LLGL1: variants seen among roughly 807,000 people sequenced by gnomAD.
The protein encoded by LLGL1 is LLGL scribble cell polarity complex component 1.
In LLGL1, 58 loss-of-function variants were observed where a neutral mutation model predicts 110.6. The observed-to-expected ratio is 0.52, with a 90% CI of 0.42 to 0.65. The LOEUF (loss-of-function observed/expected upper bound fraction) is 0.65, where lower values mean the gene tolerates loss of function less well. Among genes scored for constraint, LLGL1 ranks in the 30% least tolerant of loss-of-function variants. The pLI, the probability that LLGL1 is intolerant of heterozygous loss-of-function variation, is 0.00. For missense variants in LLGL1, 1,229 were observed against 1,462.1 expected, an observed-to-expected ratio of 0.84 and a Z score of 2.60; for synonymous variants, 674 against 607.2, an observed-to-expected ratio of 1.11 and a Z score of -1.62.
intron 20 of LLGL1, 33 bp from the exon 21 acceptor site, chr17:18,242,475 T>A (rs1163332621): frequency 1.2e-6 from 2 of 1,612,982 alleles, no homozygotes. Flanking sequence ...GTGCTAAGGG[T>A]CCTGGTAGGG....
chr17:18,241,279 A>T, intron 17 of LLGL1, 172 bp from the exon 18 acceptor site: 1 of 747,006 alleles, frequency 1.3e-6, no homozygotes, highest in Non-Finnish European at 2.1e-6. Context: ...TTTCTGGAGT[A>T]CAGTGTGAAG....
At chr17:18,238,298 T>G in intron 15 of LLGL1, 84 bp downstream of exon 15, 1 of 1,591,752 alleles carries the variant, frequency 6.3e-7, no homozygotes, top group Non-Finnish European at 8.5e-7. Context: ...GGGGCCTGCT[T>G]AGCTCAGTGC....
intron 17 of LLGL1, 182 bp downstream of exon 17, chr17:18,241,055 G>GC (rs2047819401): frequency 3.0e-6 from 2 of 656,430 alleles, no homozygotes; most frequent in Non-Finnish European, 2.5e-6. Context: ...GAACCCTGAT[G>GC]CCCCCTCAGC....
chr17:18,232,235 A>G (rs918810231), intron 2 of LLGL1, among the ~76,000 whole-genome samples: 7 of 152,222 alleles, frequency 4.6e-5, no homozygotes, highest in Non-Finnish European at 7.3e-5. Flanking sequence ...CACTGGCCCA[A>G]TTTACGGGAA....
At chr17:18,235,972 T>A in intron 11 of LLGL1, 1 of 208,282 alleles carries the variant, frequency 4.8e-6, no homozygotes, top group Non-Finnish European at 9.8e-6. Flanking sequence ...CCTTCCCTGC[T>A]GAAGAGCTTG....
At chr17:18,234,768 C>G (rs1037741590) in intron 8 of LLGL1, 65 bp downstream of exon 8, 5 of 1,613,674 alleles carry the variant, frequency 3.1e-6, no homozygotes, top group Admixed American at 3.3e-5. Flanking sequence ...AGGGTGGGCT[C>G]TCCCTAGGTT....
At position 18,232,532 on chromosome 17, in the gene LLGL1, C is replaced by T. The variant is rs1024725728; in HGVS notation, c.217C>T (p.Arg73Trp). The change falls in exon 3 of 23, where the codon CGG becomes TGG. Residue 73 changes from arginine (R) to tryptophan (W), a missense_variant. Transcript: ENST00000316843. ...TGGCGTGGAGTTCACAGGCCTGCAC[C>T]GGGATGCAGCCACTGTCACACAGAT... ...APGVEFTGLH[R>W]DAATVTQMHF... 18 of 1,613,926 alleles carry T rather than the reference C, an allele frequency of 1.1e-5. No homozygotes were observed. The highest frequency in any genetic ancestry group is 1.4e-5 in the Non-Finnish European group (16 of 1,179,966).
chr17:18,241,499 G>T lies in LLGL1; in HGVS notation c.2551G>T (p.Ala851Ser). ...CGCGAAGACCAAGTTCAAGCTGACG[G>T]CCCATGAGGGCTGTCGTGTGCGCAA... ...VSAKTKFKLT[A>S]HEGCRVRKVA... Residue 851 changes from alanine to serine, a missense_variant, in exon 18 of 23, where the codon GCC becomes TCC. Ala to Ser is a moderately conservative substitution (Grantham distance 99, BLOSUM62 1). Transcript: ENST00000316843. 6.2e-7 allele frequency: 1 copy of T among 1,613,816 alleles called. No homozygotes were observed. Among genetic ancestry groups the T allele is most frequent in the Non-Finnish European group, 8.5e-7 (1 of 1,179,978 alleles).
intron 4 of LLGL1, 83 bp downstream of exon 4, chr17:18,232,885 A>G: frequency 1.3e-6 from 2 of 1,570,442 alleles, no homozygotes; most frequent in Non-Finnish European, 8.7e-7. Context: ...CAAAGGCAGC[A>G]TGGAGATGGG....
At chr17:18,226,393 CACCCAGGAGGGTGAGAGAGTTAGTGGG>C (rs1651811930) in intron 1 of LLGL1, among the ~76,000 whole-genome samples, 1 of 152,150 alleles carries the variant, frequency 6.6e-6, no homozygotes, top group Admixed American at 6.5e-5. Context: ...TGTGCTTTGG[CACCCAGGAGGGTGAGAGAGTTAGTGGG>C]GGCGAGGCAG....
Position 18,244,814 on chromosome 17 carries a change from A to ATTTTAATATTAAAAATACTGAT in LLGL1, c.*919_*940dup, listed in dbSNP as rs2047965913. 1 of 357,602 alleles carries ATTTTAATATTAAAAATACTGAT rather than the reference A, an allele frequency of 2.8e-6. No individual in the cohort carries two copies. The allele number at this position is 357,602 out of a possible 1,614,324, so 22.2% of individuals were successfully genotyped here. ...CTGTCGTTTTGTTAAAATTAGCGCC[A>ATTTTAATATTAAAAATACTGAT]TTTTAATATTAAAAATACTGATTTT... On this transcript the variant is annotated 3_prime_UTR_variant, in exon 23 of 23. Transcript: ENST00000316843.
At chr17:18,242,483 G>A (rs2047863398) in intron 20 of LLGL1, 25 bp from the exon 21 acceptor site, 2 of 1,613,536 alleles carry the variant, frequency 1.2e-6, no homozygotes, top group Non-Finnish European at 8.5e-7. Flanking sequence ...GGTCCTGGTA[G>A]GGGCTGATGA....
intron 14 of LLGL1, 42 bp downstream of exon 14, chr17:18,237,815 GAGAT>G: frequency 1.9e-6 from 3 of 1,565,818 alleles, no homozygotes; most frequent in Non-Finnish European, 1.7e-6. Flanking sequence ...AGCCCCCAGC[GAGAT>G]GGGGTCTGGG....
At chr17:18,241,742 C>T (rs750941350) in intron 18 of LLGL1, 27 bp downstream of exon 18, 4 of 1,609,704 alleles carry the variant, frequency 2.5e-6, no homozygotes, top group Non-Finnish European at 3.4e-6. Context: ...GCCGAGGAGG[C>T]CTTCCTCAGG....
At chr17:18,228,621 C>T (rs1004958039) in intron 1 of LLGL1, among the ~76,000 whole-genome samples, 2 of 152,148 alleles carry the variant, frequency 1.3e-5, no homozygotes, top group African/African-American at 4.8e-5. Context: ...GTGCATGTAA[C>T]CTCCTTTCCT....
At chr17:18,232,440 C>T in intron 2 of LLGL1, 55 bp from the exon 3 acceptor site, 1 of 1,500,766 alleles carries the variant, frequency 6.7e-7, no homozygotes, top group East Asian at 2.3e-5. Context: ...TGGGTGTCTT[C>T]CTCACTGTGG....
At chr17:18,242,330 G>A in intron 20 of LLGL1, 52 bp downstream of exon 20, 1 of 1,568,360 alleles carries the variant, frequency 6.4e-7, no homozygotes, top group Non-Finnish European at 8.8e-7. Context: ...TGCCCTGGGG[G>A]AGGGAGTCGG....
Position 18,240,522 on chromosome 17 carries a change from C to T in LLGL1, c.2207-56C>T. ...GGGACCTGCAGTCTGTGGGAAGACC[C>T]CAGGGGAGATGCCTGGCCCACAGGG... is the stretch of plus-strand genomic sequence containing the variant. On this transcript the variant is annotated intron_variant, in intron 16 of 22. Coordinates refer to ENST00000316843, the MANE Select transcript of LLGL1 (RefSeq NM_004140.4). The surrounding 1 kb of genome is among the most constrained non-coding windows in gnomAD (Gnocchi z 5.3). The T allele has an allele frequency of 1.3e-6, 2 of 1,526,326 alleles. No homozygotes were observed. Among genetic ancestry groups the T allele is most frequent in the South Asian group, 2.5e-5 (2 of 79,308 alleles). 94.5% of individuals were successfully genotyped at this position (1,526,326 alleles called of 1,614,324 possible).
chr17:18,234,736 TG>T (rs1433684497), intron 8 of LLGL1, 33 bp downstream of exon 8: 1 of 1,613,904 alleles, frequency 6.2e-7, no homozygotes, highest in Admixed American at 1.7e-5. Flanking sequence ...CGATGTGAGT[TG>T]GGTCTGGCTA....
Sources: allele counts gnomAD v4.1 joint callset (sites outside exome capture counted in the v4.1 genomes callset), GRCh38; gene constraint gnomAD v4.1.1; non-coding constraint Gnocchi (gnomAD v3.1); transcripts MANE v1.5; gene names NCBI Gene and HGNC (gene_info 2026-07-23, HGNC 2026-07-21).